The following CD28 variants were observed in gnomAD, a reference collection of about 807,000 sequenced individuals.
CD28 encodes the protein CD28 molecule.
In CD28, 8 loss-of-function variants were observed where a neutral mutation model predicts 21.4. That is an observed-to-expected ratio of 0.37 (90% confidence interval 0.22 to 0.68). The LOEUF (loss-of-function observed/expected upper bound fraction) is 0.68. Among genes scored for constraint, CD28 ranks in the 30% least tolerant of loss-of-function variants. CD28 has a pLI of 0.55. For missense variants in CD28, 239 were observed against 272.2 expected (o/e 0.88, Z 0.86); for synonymous variants, 106 against 104.0 (o/e 1.02, Z -0.12).
chr2:203,732,266 C>T (rs1296432617), intron 3 of CD28, among the ~76,000 whole-genome samples: 1 of 152,076 alleles, frequency 6.6e-6, no homozygotes, highest in Non-Finnish European at 1.5e-5. Flanking sequence ...TTTCTGGGAG[C>T]AGCTGCAGAT....
At chr2:203,713,256 T>C (rs914745665) in intron 1 of CD28, among the ~76,000 whole-genome samples, 3 of 152,162 alleles carry the variant, frequency 2.0e-5, no homozygotes, top group Non-Finnish European at 2.9e-5. Context: ...ATGGCCTGGG[T>C]AAGAAGAAAA....
intron 1 of CD28, among the ~76,000 whole-genome samples, chr2:203,713,464 A>G (rs1252842418): frequency 4.6e-5 from 7 of 152,188 alleles, no homozygotes; most frequent in African/African-American, 1.7e-4. Flanking sequence ...AGGGGGACAC[A>G]GTGAGGCTAG....
chr2:203,719,408 C>A (rs1343512944), intron 1 of CD28, among the ~76,000 whole-genome samples: 3 of 152,164 alleles, frequency 2.0e-5, no homozygotes, highest in Non-Finnish European at 4.4e-5. Context: ...TCCATTCACT[C>A]CCCTACTTAA....
intron 3 of CD28, 52 bp from the exon 4 acceptor site, chr2:203,734,732 G>T: frequency 1.2e-6 from 2 of 1,607,606 alleles, no homozygotes; most frequent in South Asian, 2.2e-5. Context: ...CACAGTCTTA[G>T]AACTCCTTCC....
At chr2:203,720,651 T>C (rs1693583078) in intron 1 of CD28, among the ~76,000 whole-genome samples, 1 of 152,228 alleles carries the variant, frequency 6.6e-6, no homozygotes, top group South Asian at 2.1e-4. Flanking sequence ...TTATTTGAAG[T>C]ACTGTGGATT....
rs771041842 is a variant in CD28, at chr2:203,726,787, T to C, written c.207T>C (p.Tyr69=). The C allele has an allele frequency of 2.5e-6, 4 of 1,614,200 alleles. No homozygotes were observed. The highest frequency in any genetic ancestry group is 3.4e-6 in the Non-Finnish European group (4 of 1,180,028). ...GTGCTGTGGAAGTCTGTGTTGTATA[T>C]GGGAATTACTCCCAGCAGCTTCAGG... ...LDSAVEVCVV[Y]GNYSQQLQVY... The change falls in exon 2 of 4, where the codon TAT becomes TAC. Residue 69 remains tyrosine, a synonymous_variant. Transcript: ENST00000324106.
At chr2:203,707,827 G>A (rs751198911) in intron 1 of CD28, among the ~76,000 whole-genome samples, 39 of 152,132 alleles carry the variant, frequency 2.6e-4, no homozygotes, top group Non-Finnish European at 4.6e-4. Flanking sequence ...CATCTAACAT[G>A]GTGTGATTTG....
chr2:203,706,654 C>A lies in CD28; in HGVS notation c.-43C>A, dbSNP rs764907931. On this transcript the variant is annotated 5_prime_UTR_variant, in exon 1 of 4. Coordinates refer to ENST00000324106, the MANE Select transcript of CD28 (RefSeq NM_006139.4). ...AGTTCCCCTCACACTTCGGGTTCCT[C>A]GGGGAGGAGGGGCTGGAACCCTAGC... 1.2e-6 allele frequency: 2 copies of A among 1,613,842 alleles called. No homozygotes were observed. Among genetic ancestry groups the A allele is most frequent in the Admixed American group, 3.3e-5 (2 of 59,996 alleles).
chr2:203,711,084 C>T (rs1693299027), intron 1 of CD28, among the ~76,000 whole-genome samples: 2 of 152,082 alleles, frequency 1.3e-5, no homozygotes, highest in Non-Finnish European at 2.9e-5. Context: ...TTTATTTGGC[C>T]GTTTTTGGCC....
chr2:203,731,700 C>T (rs1693898507), intron 3 of CD28, among the ~76,000 whole-genome samples: 1 of 152,220 alleles, frequency 6.6e-6, no homozygotes, highest in African/African-American at 2.4e-5. Context: ...AGCAGCTTCT[C>T]ACTTTCAATG....
chr2:203,710,091 G>C (rs1693269759), intron 1 of CD28, among the ~76,000 whole-genome samples: 1 of 152,198 alleles, frequency 6.6e-6, no homozygotes, highest in South Asian at 2.1e-4. Flanking sequence ...ACAGTTAAGT[G>C]TTGCTCTGAG....
At chr2:203,709,764 A>AT (rs1351209697) in intron 1 of CD28, among the ~76,000 whole-genome samples, 1 of 152,170 alleles carries the variant, frequency 6.6e-6, no homozygotes, top group Non-Finnish European at 1.5e-5. Context: ...CATATTTGCT[A>AT]TTTTTTAGCA....
At chr2:203,713,529 G>A (rs953570370) in intron 1 of CD28, among the ~76,000 whole-genome samples, 2 of 152,110 alleles carry the variant, frequency 1.3e-5, no homozygotes, top group African/African-American at 4.8e-5. Flanking sequence ...GTGGTTAATA[G>A]CATTAAACAT....
rs367927945 is a variant in CD28, at chr2:203,733,011, C to T, written c.535-1773C>T. On this transcript the variant is annotated intron_variant, in intron 3 of 3. Coordinates refer to ENST00000324106, the MANE Select transcript of CD28 (RefSeq NM_006139.4). ...GGGTGTCCGGAGGCAGAGGCTGACACTTGGAGGTTTGGCAAAGGGAGTCCT... is the reference window on the plus strand; with the variant it reads ...GGGTGTCCGGAGGCAGAGGCTGACATTTGGAGGTTTGGCAAAGGGAGTCCT... Among the ~76,000 whole-genome samples the T allele has an allele frequency of 4.6e-5, 7 of 152,314 alleles. No individual in the cohort carries two copies. The East Asian group carries it at 7.7e-4, about 17-fold the overall frequency.
In CD28 at chr2:203,737,572, G is replaced by C. The variant is rs1196497989; in HGVS notation, c.*2660G>C. 6.6e-6 allele frequency: 1 copy of C among 152,554 alleles called. No homozygotes were observed. The highest frequency in any genetic ancestry group is 6.5e-5 in the Admixed American group (1 of 15,270). 9.5% of individuals were successfully genotyped at this position (152,554 alleles called of 1,614,324 possible). On this transcript the variant is annotated 3_prime_UTR_variant, in exon 4 of 4. Coordinates refer to ENST00000324106, the MANE Select transcript of CD28 (RefSeq NM_006139.4). ...GAAACAAAGAAGAAATGTTATACAG[G>C]GAAGTCCGTTTTCACTATTAGTATG...
intron 1 of CD28, among the ~76,000 whole-genome samples, chr2:203,715,608 A>G (rs1385992344): frequency 6.6e-6 from 1 of 152,096 alleles, no homozygotes; most frequent in Non-Finnish European, 1.5e-5. Flanking sequence ...GTTTTTAGCA[A>G]TTTTAATATT....
At chr2:203,709,203 T>G (rs2106107187) in intron 1 of CD28, among the ~76,000 whole-genome samples, 1 of 152,198 alleles carries the variant, frequency 6.6e-6, no homozygotes, top group Admixed American at 6.5e-5. Context: ...CATTAAGAAA[T>G]TATAGATAGG....
In CD28 at chr2:203,729,790, G is replaced by C; in HGVS notation, c.534+18G>C. 1 of 1,607,896 alleles carries C rather than the reference G, an allele frequency of 6.2e-7. No individual in the cohort carries two copies. The highest frequency in any genetic ancestry group is 8.5e-7 in the Non-Finnish European group (1 of 1,177,916). ...TTTTCTGGGTAAGAGAAGCAGCACT[G>C]CTTTTATGTAACTTTTCCACTGCAC... is the stretch of plus-strand genomic sequence containing the variant. On this transcript the variant is annotated intron_variant, in intron 3 of 3. Transcript: ENST00000324106.
chr2:203,722,737 C>G (rs186945919), intron 1 of CD28, among the ~76,000 whole-genome samples: 26 of 152,298 alleles, frequency 1.7e-4, no homozygotes. Flanking sequence ...GTGAGCGATA[C>G]AGATAGTAAT....
Sources: allele counts gnomAD v4.1 joint callset (sites outside exome capture counted in the v4.1 genomes callset), GRCh38; gene constraint gnomAD v4.1.1; transcripts MANE v1.5; gene names NCBI Gene and HGNC (gene_info 2026-07-23, HGNC 2026-07-21).